The following BAZ1A variants were observed in gnomAD, a reference collection of about 807,000 sequenced individuals.
BAZ1A encodes bromodomain adjacent to zinc finger domain 1A, also known as bromodomain adjacent to zinc finger domain protein 1A.
In BAZ1A, 50 loss-of-function variants were observed where a neutral mutation model predicts 185.2. The observed-to-expected ratio is 0.27, with a 90% CI of 0.22 to 0.34. The LOEUF (loss-of-function observed/expected upper bound fraction) is 0.34. BAZ1A is among the 10% of genes least tolerant of loss of function. The pLI is 1.00. For missense variants in BAZ1A, 1,356 were observed against 1,839.9 expected, an observed-to-expected ratio of 0.74 and a Z score of 4.81; for synonymous variants, 571 against 615.6, an observed-to-expected ratio of 0.93 and a Z score of 1.07.
intron 25 of BAZ1A, among the ~76,000 whole-genome samples, chr14:34,757,133 G>A (rs1367633354): frequency 6.6e-6 from 1 of 152,162 alleles, no homozygotes; most frequent in Non-Finnish European, 1.5e-5. Flanking sequence ...GGGAGGCCAA[G>A]ACACATGGAT....
intron 4 of BAZ1A, among the ~76,000 whole-genome samples, chr14:34,820,122 G>GTTTTTTTTTTTT (rs59706713): frequency 6.2e-5 from 5 of 80,662 alleles, no homozygotes; most frequent in Non-Finnish European, 1.1e-4. Flanking sequence ...TGGGTTCCTC[G>GTTTTTTTTTTTT]TTTTTTTTTT....
At position 34,762,892 on chromosome 14, in the gene BAZ1A, G is replaced by A. The variant is rs575523929; in HGVS notation, c.3777-669C>T. 4.6e-4 allele frequency among the ~76,000 whole-genome samples: 70 copies of A among 152,312 alleles called. 1 individual carries two copies. The South Asian group carries it at 0.014, about 31-fold the overall frequency. On this transcript the variant is annotated intron_variant, in intron 23 of 26. Transcript: ENST00000360310. The stretch of plus-strand genomic sequence containing the variant: ...TAGTCAATCATGTTGGAAAACTTAA[G>A]AGTAATGAAGTAATCTTAAAATGAA...
intron 4 of BAZ1A, among the ~76,000 whole-genome samples, chr14:34,820,122 G>GTT (rs59706713): frequency 0.016 from 1,317 of 80,602 alleles, 62 homozygotes; most frequent in African/African-American, 0.054. Flanking sequence ...TGGGTTCCTC[G>GTT]TTTTTTTTTT....
intron 5 of BAZ1A, among the ~76,000 whole-genome samples, chr14:34,808,439 A>C (rs2041883226): frequency 6.6e-6 from 1 of 152,146 alleles, no homozygotes; most frequent in African/African-American, 2.4e-5. Flanking sequence ...CCGAGGGTGC[A>C]GTGAGCCGAG....
chr14:34,872,941 A>AAACAAAAAAAAAAAAAAAAACAAC (rs1555346584), intron 2 of BAZ1A, among the ~76,000 whole-genome samples: 8 of 122,618 alleles, frequency 6.5e-5, no homozygotes, highest in Non-Finnish European at 1.0e-4. Context: ...AAAAAAAAAA[A>AAACAAAAAAAAAAAAAAAAACAAC]CTTGTCCAAT....
At chr14:34,844,086 G>A (rs919795938) in intron 3 of BAZ1A, among the ~76,000 whole-genome samples, 1 of 150,672 alleles carries the variant, frequency 6.6e-6, no homozygotes, top group Non-Finnish European at 1.5e-5. Context: ...GGCGCCTGTA[G>A]TCCCAGCTAC....
intron 3 of BAZ1A, among the ~76,000 whole-genome samples, chr14:34,832,215 C>CACACAT: frequency 6.7e-5 from 6 of 89,658 alleles, no homozygotes; most frequent in African/African-American, 1.5e-4. Context: ...CACACACACA[C>CACACAT]ATATATATAT....
chr14:34,773,457 C>T (rs1594822676), intron 20 of BAZ1A, 115 bp downstream of exon 20: 5 of 919,690 alleles, frequency 5.4e-6, no homozygotes, highest in South Asian at 1.9e-5. Context: ...AAGGTCCTCA[C>T]GACAAGTTTT....
chr14:34,797,218 G>T (rs1264286881), intron 9 of BAZ1A, among the ~76,000 whole-genome samples: 1 of 152,088 alleles, frequency 6.6e-6, no homozygotes, highest in African/African-American at 2.4e-5. Flanking sequence ...TGAGTGATCT[G>T]TTTTTTTAAG....
chr14:34,810,828 A>C (rs2041918903), intron 5 of BAZ1A, 107 bp downstream of exon 5: 2 of 776,856 alleles, frequency 2.6e-6, no homozygotes, highest in Non-Finnish European at 2.1e-6. Context: ...ATTTTTAAGA[A>C]GGAAAGCAAT....
intron 2 of BAZ1A, among the ~76,000 whole-genome samples, chr14:34,866,502 A>AAAAAAAG: frequency 2.5e-5 from 2 of 79,538 alleles, no homozygotes; most frequent in African/African-American, 7.6e-5. Context: ...AAAAAAAAAA[A>AAAAAAAG]GAAAAAAGTT....
chr14:34,820,982 A>C (rs994225880), intron 4 of BAZ1A, among the ~76,000 whole-genome samples: 1 of 152,126 alleles, frequency 6.6e-6, no homozygotes, highest in Non-Finnish European at 1.5e-5. Context: ...TAAGTCTTGA[A>C]GCTGGGTAGT....
At chr14:34,775,413 C>CA (rs1168861924) in intron 18 of BAZ1A, among the ~76,000 whole-genome samples, 1 of 152,186 alleles carries the variant, frequency 6.6e-6, no homozygotes, top group East Asian at 1.9e-4. Flanking sequence ...TATAAAAACT[C>CA]ACATCTAAAA....
At chr14:34,812,571 C>T (rs1181198340) in intron 4 of BAZ1A, among the ~76,000 whole-genome samples, 2 of 152,086 alleles carry the variant, frequency 1.3e-5, no homozygotes, top group Admixed American at 6.6e-5. Flanking sequence ...AGTTAGAAAG[C>T]TACTGAGAAC....
intron 24 of BAZ1A, among the ~76,000 whole-genome samples, chr14:34,760,387 A>C (rs777060311): frequency 6.6e-6 from 1 of 152,202 alleles, no homozygotes; most frequent in Non-Finnish European, 1.5e-5. Flanking sequence ...GTGACTGCAT[A>C]AACAGATTAC....
chr14:34,839,435 A>G (rs1227929266), intron 3 of BAZ1A, among the ~76,000 whole-genome samples: 1 of 151,444 alleles, frequency 6.6e-6, no homozygotes, highest in Admixed American at 6.6e-5. Context: ...GTTACTTAGG[A>G]GGCTGAGGCG....
In BAZ1A at chr14:34,855,852, G is replaced by A. The variant is rs544756748; in HGVS notation, c.392+6192C>T. Among the ~76,000 whole-genome samples, 29 of 152,256 alleles carry A rather than the reference G, an allele frequency of 1.9e-4. No individual in the cohort carries two copies. The South Asian group carries it at 5.2e-3, about 27-fold the overall frequency. ...CAGGAGGTCAAGGCTGCAGTGAGCCGTGATCACGCCACTGCACTCCAGCCT... is the reference window on the plus strand; with the variant it reads ...CAGGAGGTCAAGGCTGCAGTGAGCCATGATCACGCCACTGCACTCCAGCCT... On this transcript the variant is annotated intron_variant, in intron 3 of 26. Transcript: ENST00000360310.
chr14:34,775,963 C>T lies in BAZ1A; in HGVS notation c.2789G>A (p.Cys930Tyr), dbSNP rs2138586433. ...ETLLQEKSRI[C>Y]AQLARFSEEK... Reference sequence around the variant, plus strand: ...TTCAGAAAAACGGGCTAGCTGTGCACATATTCTGCTTTTCTCTTGTAACAA... The same window carrying T: ...TTCAGAAAAACGGGCTAGCTGTGCATATATTCTGCTTTTCTCTTGTAACAA... Residue 930 changes from cysteine to tyrosine, a missense_variant, in exon 18 of 27, where the codon TGT becomes TAT. By Grantham distance (194) the Cys-to-Tyr change is radical (BLOSUM62 -2). Coordinates refer to ENST00000360310, the MANE Select transcript of BAZ1A (RefSeq NM_013448.3). 6.2e-7 allele frequency: 1 copy of T among 1,612,070 alleles called. No homozygotes were observed. Among genetic ancestry groups the T allele is most frequent in the East Asian group, 2.2e-5 (1 of 44,838 alleles).
chr14:34,831,069 C>CT (rs2042235767), intron 3 of BAZ1A, among the ~76,000 whole-genome samples: 1 of 152,166 alleles, frequency 6.6e-6, no homozygotes, highest in African/African-American at 2.4e-5. Flanking sequence ...TCTCTATTCT[C>CT]TGAGAAAAAG....
Sources: gnomAD v4.1 joint callset for allele counts (sites outside exome capture counted in the v4.1 genomes callset) on GRCh38, gnomAD v4.1.1 for gene constraint, MANE v1.5 for transcripts, NCBI Gene and HGNC (gene_info 2026-07-23, HGNC 2026-07-21) for gene names.